The following PTTG1IP2 variants were observed in gnomAD, a reference collection of about 807,000 sequenced individuals.
The protein encoded by PTTG1IP2 is PTTG1IP family member 2.
intron 6 of PTTG1IP2, among the ~76,000 whole-genome samples, chr7:90,497,563 CAAAAA>C (rs758753541): frequency 2.3e-5 from 1 of 44,402 alleles, no homozygotes; most frequent in Non-Finnish European, 4.9e-5. Flanking sequence ...GAATCCGTCT[CAAAAA>C]AAAAAAAAAA....
intron 2 of PTTG1IP2, among the ~76,000 whole-genome samples, chr7:90,483,355 A>G (rs1243304495): frequency 3.9e-5 from 6 of 152,154 alleles, no homozygotes; most frequent in African/African-American, 1.4e-4. Flanking sequence ...TTTCCCCTTG[A>G]GAAGTCTGTT....
intron 1 of PTTG1IP2, among the ~76,000 whole-genome samples, chr7:90,472,869 A>G (rs1464829054): frequency 6.6e-6 from 1 of 152,182 alleles, no homozygotes; most frequent in Non-Finnish European, 1.5e-5. Flanking sequence ...GCAGGCAGGT[A>G]TTAGGAGGAT....
At chr7:90,481,681 C>T (rs1422387216) in intron 2 of PTTG1IP2, among the ~76,000 whole-genome samples, 2 of 152,142 alleles carry the variant, frequency 1.3e-5, no homozygotes, top group Non-Finnish European at 2.9e-5. Flanking sequence ...TGCACTTCCC[C>T]TATATTTCTC....
At chr7:90,498,309 G>T (rs752193180) in intron 6 of PTTG1IP2, among the ~76,000 whole-genome samples, 35 of 152,156 alleles carry the variant, frequency 2.3e-4, no homozygotes, top group Non-Finnish European at 3.5e-4. Flanking sequence ...GGTAGCAGTA[G>T]GTTCTTACCT....
intron 6 of PTTG1IP2, among the ~76,000 whole-genome samples, chr7:90,497,713 T>TAA (rs1491565834): frequency 0.12 from 5,757 of 49,442 alleles, 1,731 homozygotes; most frequent in East Asian, 0.27. Flanking sequence ...AAAGACCCTG[T>TAA]ATAAAAAAAA....
At chr7:90,489,348 T>C (rs1357284741) in intron 4 of PTTG1IP2, among the ~76,000 whole-genome samples, 1 of 151,898 alleles carries the variant, frequency 6.6e-6, no homozygotes, top group Non-Finnish European at 1.5e-5. Flanking sequence ...TACACATTTT[T>C]TTTGCTATTA....
chr7:90,481,752 G>A (rs1048299331), intron 2 of PTTG1IP2, among the ~76,000 whole-genome samples: 6 of 151,816 alleles, frequency 4.0e-5, no homozygotes, highest in African/African-American at 9.7e-5. Context: ...TTGTTTTTAT[G>A]TTCACCTTCC....
At chr7:90,486,828 A>AT (rs1797880610) in intron 2 of PTTG1IP2, among the ~76,000 whole-genome samples, 1 of 151,584 alleles carries the variant, frequency 6.6e-6, no homozygotes, top group Non-Finnish European at 1.5e-5. Context: ...GTTCAGGTGC[A>AT]TGTGATTTTT....
chr7:90,491,527 G>A (rs1282580410), intron 4 of PTTG1IP2, among the ~76,000 whole-genome samples: 1 of 151,898 alleles, frequency 6.6e-6, no homozygotes, highest in Non-Finnish European at 1.5e-5. Flanking sequence ...GGAGGCCAAG[G>A]CAGGAGAATC....
chr7:90,501,500 T>G (rs1251289017), intron 6 of PTTG1IP2, among the ~76,000 whole-genome samples: 1 of 152,114 alleles, frequency 6.6e-6, no homozygotes, highest in African/African-American at 2.4e-5. Flanking sequence ...AGACCTCATT[T>G]CTACAGAAAC....
intron 2 of PTTG1IP2, among the ~76,000 whole-genome samples, chr7:90,485,886 AC>A (rs1562985737): frequency 6.6e-6 from 1 of 152,196 alleles, no homozygotes; most frequent in Admixed American, 6.5e-5. Flanking sequence ...CACTCTGAGT[AC>A]TAACAACCAA....
intron 2 of PTTG1IP2, among the ~76,000 whole-genome samples, chr7:90,486,635 G>A (rs1040808413): frequency 6.6e-6 from 1 of 152,076 alleles, no homozygotes; most frequent in Non-Finnish European, 1.5e-5. Flanking sequence ...AAGGCTTGTT[G>A]ACAGTACCAC....
chr7:90,493,883 GTATT>G (rs1164211782), intron 5 of PTTG1IP2, among the ~76,000 whole-genome samples: 3 of 152,208 alleles, frequency 2.0e-5, no homozygotes, highest in African/African-American at 7.2e-5. Context: ...AGTTTTCAGA[GTATT>G]TATGCAAGAC....
chr7:90,475,079 C>G (rs1022046666), intron 1 of PTTG1IP2, among the ~76,000 whole-genome samples: 3 of 152,108 alleles, frequency 2.0e-5, no homozygotes, highest in African/African-American at 7.2e-5. Flanking sequence ...AAATCTCCTG[C>G]CCCCAAGTCC....
chr7:90,477,636 G>C (rs1229071686), intron 1 of PTTG1IP2, among the ~76,000 whole-genome samples: 1 of 152,210 alleles, frequency 6.6e-6, no homozygotes, highest in Non-Finnish European at 1.5e-5. Flanking sequence ...TCGCAGACCA[G>C]AGGAGACATG....
intron 6 of PTTG1IP2, among the ~76,000 whole-genome samples, chr7:90,506,817 TTC>T (rs1269694528): frequency 6.6e-6 from 1 of 152,196 alleles, no homozygotes; most frequent in Non-Finnish European, 1.5e-5. Flanking sequence ...GTAATTCTAA[TTC>T]TTCATCTTTC....
intron 6 of PTTG1IP2, among the ~76,000 whole-genome samples, chr7:90,499,036 G>A (rs1312830619): frequency 6.6e-6 from 1 of 152,050 alleles, no homozygotes; most frequent in East Asian, 1.9e-4. Flanking sequence ...GATTTTTGTA[G>A]AGATGGGATT....
chr7:90,486,562 C>T (rs1011634732), intron 2 of PTTG1IP2, among the ~76,000 whole-genome samples: 6 of 149,714 alleles, frequency 4.0e-5, no homozygotes, highest in Non-Finnish European at 7.4e-5. Context: ...CTTAGAATTC[C>T]ATTTTCCTAT....
intron 6 of PTTG1IP2, among the ~76,000 whole-genome samples, chr7:90,508,548 G>A (rs1338046320): frequency 1.3e-5 from 2 of 152,138 alleles, no homozygotes; most frequent in African/African-American, 4.8e-5. Context: ...GATTATACCT[G>A]AGCAATAGTA....
Sources: gnomAD v4.1 joint callset for allele counts (sites outside exome capture counted in the v4.1 genomes callset) on GRCh38, gnomAD v4.1.1 for gene constraint, MANE v1.5 for transcripts, NCBI Gene and HGNC (gene_info 2026-07-23, HGNC 2026-07-21) for gene names.